Variants in PTPRM observed in about 807,000 individuals in gnomAD.
PTPRM encodes receptor-type tyrosine-protein phosphatase mu.
A neutral mutation model predicts 186.7 loss-of-function variants in PTPRM; 47 were observed. The ratio of observed to expected loss-of-function variants is 0.25; its 90% CI spans 0.20 to 0.32. The LOEUF (loss-of-function observed/expected upper bound fraction) is 0.32, where lower values mean the gene tolerates loss of function less well. Ranked by LOEUF, PTPRM falls within the 10% of genes least tolerant of loss-of-function variation. The pLI is 1.00. For missense variants in PTPRM, 1,494 were observed against 1,865.0 expected (o/e 0.80, Z 3.66); for synonymous variants, 668 against 674.9 (o/e 0.99, Z 0.16).
At chr18:8,284,912 A>C (rs892968843) in intron 19 of PTPRM, among the ~76,000 whole-genome samples, 4 of 152,200 alleles carry the variant, frequency 2.6e-5, no homozygotes, top group Admixed American at 2.0e-4. Context: ...ATTTGAATGC[A>C]CTCAGGATGC....
chr18:8,190,213 T>A (rs1352564627), intron 14 of PTPRM, among the ~76,000 whole-genome samples: 1 of 152,210 alleles, frequency 6.6e-6, no homozygotes, highest in Admixed American at 6.5e-5. Flanking sequence ...AGTAAATCTC[T>A]TGAAATTATT....
intron 1 of PTPRM, among the ~76,000 whole-genome samples, chr18:7,629,458 A>G (rs1035076798): frequency 6.6e-6 from 1 of 152,204 alleles, no homozygotes; most frequent in Non-Finnish European, 1.5e-5. Flanking sequence ...GGGCCTGAAC[A>G]TCTGAATTTT....
At chr18:8,022,223 G>A (rs187804154) in intron 7 of PTPRM, among the ~76,000 whole-genome samples, 109 of 152,068 alleles carry the variant, frequency 7.2e-4, no homozygotes, top group African/African-American at 2.5e-3. Flanking sequence ...GTAATCTCTG[G>A]GATTTACTTC....
At chr18:7,703,400 T>C (rs1029877534) in intron 1 of PTPRM, among the ~76,000 whole-genome samples, 2 of 152,174 alleles carry the variant, frequency 1.3e-5, no homozygotes, top group Admixed American at 1.3e-4. Context: ...CCCTTGTAAG[T>C]TGGATTCTTA....
intron 14 of PTPRM, among the ~76,000 whole-genome samples, chr18:8,240,820 GAGAGAGAAAGAAAGAAAGAAAGAAAAGAA>G (rs2094424900): frequency 3.9e-5 from 1 of 25,702 alleles, no homozygotes; most frequent in African/African-American, 2.4e-4. Context: ...GAGAGAGAGA[GAGAGAGAAAGAAAGAAAGAAAGAAAAGAA>G]AGAAAGAAAG....
rs187814453 is a variant in PTPRM at position 7,707,168 on chromosome 18, A to G, written c.74-66981A>G. On this transcript the variant is annotated intron_variant, in intron 1 of 32. Coordinates refer to ENST00000580170, the MANE Select transcript of PTPRM (RefSeq NM_001105244.2). The stretch of plus-strand genomic sequence containing the variant: ...AGGAAAATATAAAGCATTATTAATT[A>G]CTTGAGCTTTTAACCTTTTAACTTT... Among the ~76,000 whole-genome samples the G allele has an allele frequency of 2.0e-4, 30 of 152,308 alleles. 1 individual carries two copies. Among genetic ancestry groups the G allele is most frequent in the Admixed American group, 1.2e-3 (18 of 15,286 alleles).
At chr18:8,166,220 G>C (rs1600951713) in intron 14 of PTPRM, among the ~76,000 whole-genome samples, 2 of 152,146 alleles carry the variant, frequency 1.3e-5, no homozygotes, top group Admixed American at 6.5e-5. Flanking sequence ...GAAGTGGCTT[G>C]GCGGACTCCA....
At chr18:8,108,792 G>T (rs930604101) in intron 11 of PTPRM, among the ~76,000 whole-genome samples, 3 of 152,206 alleles carry the variant, frequency 2.0e-5, no homozygotes, top group African/African-American at 7.2e-5. Flanking sequence ...TGATGTCACA[G>T]TGTTGGCAGA....
chr18:8,036,254 T>C (rs1033716655), intron 7 of PTPRM, among the ~76,000 whole-genome samples: 7 of 152,236 alleles, frequency 4.6e-5, no homozygotes, highest in Admixed American at 3.9e-4. Flanking sequence ...TCTGGCACAA[T>C]AGAAAATGTT....
chr18:7,930,065 T>G (rs1376393821), intron 5 of PTPRM, among the ~76,000 whole-genome samples: 2 of 152,170 alleles, frequency 1.3e-5, no homozygotes, highest in African/African-American at 4.8e-5. Context: ...TTTTTGAATA[T>G]AATCATTTAC....
chr18:7,705,325 A>ATCTATCTG lies in PTPRM; in HGVS notation c.74-68821_74-68820insATCTGTCT, dbSNP rs1555655181. Among the ~76,000 whole-genome samples the ATCTATCTG allele has an allele frequency of 6.0e-4, 84 of 140,246 alleles. 1 individual carries two copies. The highest frequency in any genetic ancestry group is 1.6e-3 in the South Asian group (7 of 4,416). The allele number at this position is 140,246 out of a possible 152,430, so 92.0% of individuals were successfully genotyped here. A position where few individuals can be genotyped will look rare whatever the true frequency, so the allele number is the denominator to read the frequency against. On this transcript the variant is annotated intron_variant, in intron 1 of 32. Transcript: ENST00000580170. ...TATCTATCTATCTATCTATCTATCT[A>ATCTATCTG]TCTGTCTATCTAGCTAGCTAGCTAG...
At chr18:7,674,844 T>G (rs1447560694) in intron 1 of PTPRM, among the ~76,000 whole-genome samples, 2 of 152,368 alleles carry the variant, frequency 1.3e-5, no homozygotes, top group East Asian at 3.9e-4. Context: ...TTAATCGTAT[T>G]TCTGTAGTTA....
At chr18:8,387,846 C>T (rs1475972386) in intron 31 of PTPRM, among the ~76,000 whole-genome samples, 2 of 151,968 alleles carry the variant, frequency 1.3e-5, no homozygotes, top group Admixed American at 6.6e-5. Flanking sequence ...ATGAGGCTTC[C>T]AGGCCAGCAG....
At chr18:8,393,555 G>C (rs1265666421) in intron 31 of PTPRM, among the ~76,000 whole-genome samples, 1 of 152,208 alleles carries the variant, frequency 6.6e-6, no homozygotes, top group East Asian at 1.9e-4. Context: ...GAACTAGTAA[G>C]ATGTGACTAC....
intron 1 of PTPRM, among the ~76,000 whole-genome samples, chr18:7,574,419 C>T (rs890194435): frequency 1.3e-5 from 2 of 152,076 alleles, no homozygotes; most frequent in African/African-American, 4.8e-5. Context: ...AAGCATGCAG[C>T]CCAGTGTGCT....
intron 19 of PTPRM, among the ~76,000 whole-genome samples, chr18:8,278,926 A>C (rs1411141270): frequency 1.3e-5 from 2 of 152,156 alleles, no homozygotes; most frequent in Non-Finnish European, 2.9e-5. Flanking sequence ...TGCCTCTTTG[A>C]AAGCATGTCT....
At chr18:7,619,406 C>T (rs958438535) in intron 1 of PTPRM, among the ~76,000 whole-genome samples, 1 of 152,154 alleles carries the variant, frequency 6.6e-6, no homozygotes, top group Non-Finnish European at 1.5e-5. Context: ...CTGGGGACTC[C>T]AGTCCCGGAA....
chr18:8,357,476 C>T (rs892210596), intron 23 of PTPRM, among the ~76,000 whole-genome samples: 1 of 152,182 alleles, frequency 6.6e-6, no homozygotes, highest in South Asian at 2.1e-4. Flanking sequence ...AGCACATTTC[C>T]GTGTCTTTAC....
At chr18:7,965,619 C>A (rs55651647) in intron 7 of PTPRM, among the ~76,000 whole-genome samples, 1 of 152,030 alleles carries the variant, frequency 6.6e-6, no homozygotes, top group Non-Finnish European at 1.5e-5. Context: ...GGCCTCAGAG[C>A]GGGCAAAGCC....
Sources: gnomAD v4.1 joint callset for allele counts (sites outside exome capture counted in the v4.1 genomes callset) on GRCh38, gnomAD v4.1.1 for gene constraint, MANE v1.5 for transcripts, NCBI Gene and HGNC (gene_info 2026-07-23, HGNC 2026-07-21) for gene names.